NCAM1: variants seen among roughly 807,000 people sequenced by gnomAD.
NCAM1 encodes neural cell adhesion molecule 1.
A neutral mutation model predicts 109.8 loss-of-function variants in NCAM1; 14 were observed. The ratio of observed to expected loss-of-function variants is 0.13; its 90% CI spans 0.08 to 0.20. The LOEUF (loss-of-function observed/expected upper bound fraction) is 0.20. Among genes scored for constraint, NCAM1 ranks in the 10% least tolerant of loss-of-function variants. The pLI is 1.00. For synonymous variants in NCAM1, 418 were observed against 442.9 expected, an observed-to-expected ratio of 0.94 and a Z score of 0.70; for missense variants, 774 against 1,109.9, an observed-to-expected ratio of 0.70 and a Z score of 4.30.
At chr11:113,001,530 G>A (rs951137920) in intron 1 of NCAM1, among the ~76,000 whole-genome samples, 6 of 152,190 alleles carry the variant, frequency 3.9e-5, no homozygotes, top group African/African-American at 1.2e-4. Flanking sequence ...ACAATAGAAG[G>A]TTATCTAGTA....
Position 113,274,652 on chromosome 11 carries a change from C to G in NCAM1, c.2457-615C>G, listed in dbSNP as rs1188078008. ...TCAGCTGCCCTCAACTCTCGCATAG[C>G]CACCAGGCCCACTCTAGTACCCCAC... On this transcript the variant is annotated intron_variant, in intron 19 of 19. Coordinates refer to ENST00000316851, the MANE Select transcript of NCAM1 (RefSeq NM_181351.5). The surrounding 1 kb of genome is among the most constrained non-coding windows in gnomAD (Gnocchi z 4.1). 6.6e-6 allele frequency among the ~76,000 whole-genome samples: 1 copy of G among 152,200 alleles called. No individual in the cohort carries two copies. The highest frequency in any genetic ancestry group is 1.5e-5 in the Non-Finnish European group (1 of 68,042).
At chr11:113,153,152 C>T (rs189843406) in intron 1 of NCAM1, among the ~76,000 whole-genome samples, 1 of 151,926 alleles carries the variant, frequency 6.6e-6, no homozygotes, top group Admixed American at 6.6e-5. Flanking sequence ...AAGTGATTCT[C>T]CTGCCTCAGC....
intron 14 of NCAM1, chr11:113,242,916 C>T (rs1467675138): frequency 6.2e-7 from 1 of 1,611,630 alleles, no homozygotes; most frequent in Non-Finnish European, 8.5e-7. Flanking sequence ...TTCTAGATTA[C>T]AGCGCTGCCT....
intron 1 of NCAM1, among the ~76,000 whole-genome samples, chr11:113,170,132 G>A (rs1330367256): frequency 6.6e-6 from 1 of 152,102 alleles, no homozygotes; most frequent in Admixed American, 6.6e-5. Flanking sequence ...ACTCATAGCA[G>A]CCTGAAACCA....
chr11:113,138,909 C>T (rs1037945821), intron 1 of NCAM1, among the ~76,000 whole-genome samples: 6 of 152,316 alleles, frequency 3.9e-5, no homozygotes, highest in Middle Eastern at 3.4e-3. Flanking sequence ...TGTAGGAATC[C>T]TTCTGCCCGA....
chr11:113,009,611 T>C (rs1015918847), intron 1 of NCAM1, among the ~76,000 whole-genome samples: 1 of 152,140 alleles, frequency 6.6e-6, no homozygotes, highest in Non-Finnish European at 1.5e-5. Flanking sequence ...GATAGGAGTC[T>C]CCATGCAACC....
At chr11:113,212,389 G>A (rs1375834794) in intron 7 of NCAM1, among the ~76,000 whole-genome samples, 4 of 152,146 alleles carry the variant, frequency 2.6e-5, no homozygotes, top group Admixed American at 2.6e-4. Context: ...GTCACACAAT[G>A]CACCTTCTGT....
In NCAM1 at chr11:113,209,200, T is replaced by G. The variant is rs193135998; in HGVS notation, c.916+1198T>G. On this transcript the variant is annotated intron_variant, in intron 7 of 19. Coordinates refer to ENST00000316851, the MANE Select transcript of NCAM1 (RefSeq NM_181351.5). ...ATGGAGCCCCCAGGTCATTAAAATGTGCACCTGGGAATCAGGGTTGGGACC... is the reference window on the plus strand; with the variant it reads ...ATGGAGCCCCCAGGTCATTAAAATGGGCACCTGGGAATCAGGGTTGGGACC... 5.3e-5 allele frequency among the ~76,000 whole-genome samples: 8 copies of G among 152,312 alleles called. No individual in the cohort carries two copies. The East Asian group carries it at 1.5e-3, about 29-fold the overall frequency.
At position 112,962,020 on chromosome 11, in the gene NCAM1, C is replaced by CG. The variant is rs1256601531; in HGVS notation, c.52+361dup. On this transcript the variant is annotated intron_variant, in intron 1 of 19. Transcript: ENST00000316851. The surrounding 1 kb of genome is among the most constrained non-coding windows in gnomAD (Gnocchi z 5.6). Reference sequence around the variant, plus strand: ...CCTTCCCCAAAGGCGGGCGGCGGGGCGGGGGAGGTCGCGGCTCGGGTGGTG... The same window carrying CG: ...CCTTCCCCAAAGGCGGGCGGCGGGGCGGGGGGAGGTCGCGGCTCGGGTGGTG... 6.6e-6 allele frequency among the ~76,000 whole-genome samples: 1 copy of CG among 152,026 alleles called. No homozygotes were observed. The highest frequency in any genetic ancestry group is 2.4e-5 in the African/African-American group (1 of 41,426).
chr11:113,097,546 C>T (rs1331340559), intron 1 of NCAM1, among the ~76,000 whole-genome samples: 1 of 151,466 alleles, frequency 6.6e-6, no homozygotes, highest in Non-Finnish European at 1.5e-5. Context: ...GGATGACTGC[C>T]AGCTTCATTG....
rs567615089 is a variant in NCAM1 at position 113,270,066 on chromosome 11, T to G, written c.2132-122T>G. 8 of 904,120 alleles carry G rather than the reference T, an allele frequency of 8.8e-6. No individual in the cohort carries two copies. In the African/African-American group the frequency reaches 1.3e-4, roughly 15 times the overall value. 56.0% of individuals were successfully genotyped at this position (904,120 alleles called of 1,614,324 possible). On this transcript the variant is annotated intron_variant, in intron 17 of 19. Transcript: ENST00000316851. Reference sequence around the variant, plus strand: ...GAAGGTCCCCAGGAAGGTGTCACTCTGGGCATGAATGCCATGACTCTGTCC... The same window carrying G: ...GAAGGTCCCCAGGAAGGTGTCACTCGGGGCATGAATGCCATGACTCTGTCC...
At chr11:113,238,012 T>A (rs1420130974) in intron 14 of NCAM1, among the ~76,000 whole-genome samples, 1 of 150,426 alleles carries the variant, frequency 6.6e-6, no homozygotes, top group Non-Finnish European at 1.5e-5. Flanking sequence ...AAAGTCAATG[T>A]TAAAAATGAA....
At chr11:113,262,027 C>T (rs912651662) in intron 17 of NCAM1, among the ~76,000 whole-genome samples, 5 of 152,102 alleles carry the variant, frequency 3.3e-5, no homozygotes, top group East Asian at 1.9e-4. Context: ...TCACCGGTGA[C>T]GGCTCTGTGG....
intron 14 of NCAM1, among the ~76,000 whole-genome samples, chr11:113,239,472 A>G (rs1302596104): frequency 6.6e-6 from 1 of 150,432 alleles, no homozygotes; most frequent in African/African-American, 2.4e-5. Flanking sequence ...TTTCTTTTTG[A>G]ATATAGAGAT....
intron 14 of NCAM1, among the ~76,000 whole-genome samples, chr11:113,237,720 C>A (rs74837640): frequency 0.024 from 3,584 of 152,186 alleles, 145 homozygotes; most frequent in African/African-American, 0.082. Flanking sequence ...GAGAGGAAGG[C>A]TGGGATGAGG....
At chr11:113,069,312 T>C (rs553651298) in intron 1 of NCAM1, among the ~76,000 whole-genome samples, 1 of 152,214 alleles carries the variant, frequency 6.6e-6, no homozygotes, top group Admixed American at 6.5e-5. Flanking sequence ...TTTCAAGTGG[T>C]CTGGTATAAT....
intron 1 of NCAM1, among the ~76,000 whole-genome samples, chr11:113,136,452 C>A (rs79138724): frequency 2.0e-5 from 3 of 152,078 alleles, no homozygotes; most frequent in African/African-American, 7.2e-5. Flanking sequence ...AGGAGCAAGG[C>A]CCCCCAGTGA....
At chr11:112,981,903 C>G (rs1208515597) in intron 1 of NCAM1, among the ~76,000 whole-genome samples, 1 of 151,796 alleles carries the variant, frequency 6.6e-6, no homozygotes, top group Non-Finnish European at 1.5e-5. Flanking sequence ...TGTTGTCTTT[C>G]ACTAGGTGGC....
chr11:113,151,202 G>A (rs141303034), intron 1 of NCAM1, among the ~76,000 whole-genome samples: 77 of 152,252 alleles, frequency 5.1e-4, no homozygotes, highest in Non-Finnish European at 1.0e-3. Flanking sequence ...AATGTACAAG[G>A]GGAATGGCCC....
Sources: gnomAD v4.1 joint callset for allele counts (sites outside exome capture counted in the v4.1 genomes callset) on GRCh38, gnomAD v4.1.1 for gene constraint, Gnocchi (gnomAD v3.1) non-coding constraint, MANE v1.5 for transcripts, NCBI Gene and HGNC (gene_info 2026-07-23, HGNC 2026-07-21) for gene names.